NR2F1-AS1: variants seen among roughly 807,000 people sequenced by gnomAD.
NR2F1-AS1 encodes the protein NR2F1 regulatory antisense RNA 1.
chr5:93,443,277 T>C (rs59252724), intron 4 of NR2F1-AS1, among the ~76,000 whole-genome samples: 2,085 of 152,116 alleles, frequency 0.014, 53 homozygotes, highest in African/African-American at 0.048. Context: ...TTTGAACCCA[T>C]CACAAAGAAG....
chr5:93,418,725 C>T (rs1164778544), intron 4 of NR2F1-AS1, among the ~76,000 whole-genome samples: 2 of 152,190 alleles, frequency 1.3e-5, no homozygotes, highest in Non-Finnish European at 1.5e-5. Flanking sequence ...CCACCAGGCT[C>T]ACCACAGTAT....
intron 4 of NR2F1-AS1, among the ~76,000 whole-genome samples, chr5:93,532,790 T>C (rs762857672): frequency 9.2e-5 from 14 of 152,270 alleles, no homozygotes; most frequent in Non-Finnish European, 2.1e-4. Flanking sequence ...TATTGGATTA[T>C]GCAGCCATCA....
chr5:93,468,124 T>C (rs962121893), intron 4 of NR2F1-AS1, among the ~76,000 whole-genome samples: 1 of 152,236 alleles, frequency 6.6e-6, no homozygotes, highest in Non-Finnish European at 1.5e-5. Flanking sequence ...TACACGTGCA[T>C]GTGTCTTTAT....
At chr5:93,585,184 C>T (rs779045243), upstream of NR2F1-AS1, 1 of 1,512,898 alleles carries the variant, frequency 6.6e-7, no homozygotes, top group Non-Finnish European at 8.8e-7. Flanking sequence ...ACGCCGCAGA[C>T]CCCGGGCCAG....
At chr5:93,475,488 C>T (rs1027256063) in intron 4 of NR2F1-AS1, among the ~76,000 whole-genome samples, 2 of 152,166 alleles carry the variant, frequency 1.3e-5, no homozygotes, top group East Asian at 3.8e-4. Flanking sequence ...TTCAGTGGAA[C>T]AAATGCAGCC....
chr5:93,409,829 A>G (rs1218022689), intron 4 of NR2F1-AS1: 1 of 152,180 alleles, frequency 6.6e-6, no homozygotes, highest in Non-Finnish European at 1.5e-5. Flanking sequence ...GTTTATACAG[A>G]GCAACATTGT....
At chr5:93,489,289 C>T (rs1750789004) in intron 4 of NR2F1-AS1, among the ~76,000 whole-genome samples, 1 of 151,534 alleles carries the variant, frequency 6.6e-6, no homozygotes, top group South Asian at 2.1e-4. Flanking sequence ...CTTCAGCAAC[C>T]ACCACCCTGA....
intron 4 of NR2F1-AS1, among the ~76,000 whole-genome samples, chr5:93,551,340 T>C (rs1752223760): frequency 6.6e-6 from 1 of 152,120 alleles, no homozygotes; most frequent in African/African-American, 2.4e-5. Context: ...TTTTAGTATC[T>C]TCATTGTAAT....
intron 4 of NR2F1-AS1, among the ~76,000 whole-genome samples, chr5:93,417,773 G>C (rs1366287360): frequency 6.6e-6 from 1 of 152,184 alleles, no homozygotes; most frequent in Non-Finnish European, 1.5e-5. Flanking sequence ...TACACAATGA[G>C]TGGGAAACAT....
intron 2 of NR2F1-AS1, among the ~76,000 whole-genome samples, chr5:93,558,109 C>T (rs1752402456): frequency 6.6e-6 from 1 of 152,142 alleles, no homozygotes; most frequent in South Asian, 2.1e-4. Context: ...CTCCAAAGTC[C>T]TGAACCCCTC....
chr5:93,423,493 C>T (rs190036362), intron 4 of NR2F1-AS1, among the ~76,000 whole-genome samples: 2 of 152,266 alleles, frequency 1.3e-5, no homozygotes, highest in African/African-American at 4.8e-5. Flanking sequence ...AACAGCCTTA[C>T]CCCAGCATTA....
chr5:93,447,690 C>G (rs1749744756), intron 4 of NR2F1-AS1, among the ~76,000 whole-genome samples: 1 of 152,180 alleles, frequency 6.6e-6, no homozygotes, highest in African/African-American at 2.4e-5. Context: ...TTTGACCCAG[C>G]CATCCCATTA....
At chr5:93,523,169 G>T (rs755142757) in intron 4 of NR2F1-AS1, among the ~76,000 whole-genome samples, 16 of 152,132 alleles carry the variant, frequency 1.1e-4, no homozygotes, top group Non-Finnish European at 2.2e-4. Context: ...GGGGGGAGGG[G>T]TGTCTGCCAT....
chr5:93,414,732 T>C (rs940653229), intron 4 of NR2F1-AS1, among the ~76,000 whole-genome samples: 1 of 152,184 alleles, frequency 6.6e-6, no homozygotes, highest in South Asian at 2.1e-4. Context: ...TTGCCTTGAG[T>C]TGGAAGCAGT....
At chr5:93,491,978 C>CAT (rs1750859232) in intron 4 of NR2F1-AS1, among the ~76,000 whole-genome samples, 1 of 152,132 alleles carries the variant, frequency 6.6e-6, no homozygotes, top group Non-Finnish European at 1.5e-5. Flanking sequence ...TCCTCTTATC[C>CAT]ATCTATATAT....
chr5:93,453,901 C>T (rs111367551), intron 4 of NR2F1-AS1, among the ~76,000 whole-genome samples: 2,369 of 152,162 alleles, frequency 0.016, 32 homozygotes, highest in Non-Finnish European at 0.023. Context: ...AGAAATATAA[C>T]TCTACACAAA....
chr5:93,410,161 T>G (rs958302624), intron 4 of NR2F1-AS1: 2 of 152,214 alleles, frequency 1.3e-5, no homozygotes, highest in African/African-American at 4.8e-5. Flanking sequence ...GTCATTTAAC[T>G]TATGGAACAC....
chr5:93,444,178 G>A (rs1449716621), intron 4 of NR2F1-AS1, among the ~76,000 whole-genome samples: 1 of 152,056 alleles, frequency 6.6e-6, no homozygotes, highest in African/African-American at 2.4e-5. Context: ...TCATAATGAT[G>A]GGATCAAATT....
chr5:93,471,646 A>AT (rs1750367300), intron 4 of NR2F1-AS1, among the ~76,000 whole-genome samples: 2 of 151,832 alleles, frequency 1.3e-5, no homozygotes, highest in African/African-American at 4.8e-5. Flanking sequence ...GAATAATTGA[A>AT]TTTTTTACAC....
Sources: gnomAD v4.1 joint callset for allele counts (sites outside exome capture counted in the v4.1 genomes callset) on GRCh38, gnomAD v4.1.1 for gene constraint, MANE v1.5 for transcripts, NCBI Gene and HGNC (gene_info 2026-07-23, HGNC 2026-07-21) for gene names.